The following RBFOX3 variants were observed in gnomAD, a reference collection of about 807,000 sequenced individuals.
RBFOX3 encodes RNA binding fox-1 homolog 3, also known as RNA binding protein fox-1 homolog 3.
A neutral mutation model predicts 48.7 loss-of-function variants in RBFOX3; 17 were observed. The ratio of observed to expected loss-of-function variants is 0.35; its 90% CI spans 0.24 to 0.52. The LOEUF is 0.52. Ranked by LOEUF, RBFOX3 falls within the 20% of genes least tolerant of loss-of-function variation. The pLI, the probability that RBFOX3 is intolerant of heterozygous loss-of-function variation, is 0.94. For missense variants in RBFOX3, 382 were observed against 497.5 expected, an observed-to-expected ratio of 0.77 and a Z score of 2.21; for synonymous variants, 212 against 209.5, an observed-to-expected ratio of 1.01 and a Z score of -0.10.
intron 1 of RBFOX3, among the ~76,000 whole-genome samples, chr17:79,548,641 G>C (rs1555792723): frequency 6.6e-6 from 1 of 152,194 alleles, no homozygotes; most frequent in Non-Finnish European, 1.5e-5. Flanking sequence ...CTGTAAATCA[G>C]GGGACATTCC....
intron 1 of RBFOX3, among the ~76,000 whole-genome samples, chr17:79,574,165 G>A (rs1247622247): frequency 6.6e-6 from 1 of 152,168 alleles, no homozygotes; most frequent in African/African-American, 2.4e-5. Flanking sequence ...TAGGATTAAG[G>A]GTCCCCTTGT....
rs2057183316 is a variant in RBFOX3 at position 79,204,167 on chromosome 17, C to G, written c.-34+31599G>C. Among the ~76,000 whole-genome samples, 1 of 152,168 alleles carries G rather than the reference C, an allele frequency of 6.6e-6. No homozygotes were observed. The highest frequency in any genetic ancestry group is 2.4e-5 in the African/African-American group (1 of 41,436). On this transcript the variant is annotated intron_variant, in intron 4 of 14. Coordinates refer to ENST00000693108, the MANE Select transcript of RBFOX3 (RefSeq NM_001350451.2). The surrounding 1 kb of genome is among the most constrained non-coding windows in gnomAD (Gnocchi z 4.5). ...TCCCCTACTGCCATGACAGCAATAG[C>G]TAGAGTTGGGGTTCAGCACAGGCCA...
chr17:79,218,404 G>A, intron 4 of RBFOX3, among the ~76,000 whole-genome samples: 1 of 152,138 alleles, frequency 6.6e-6, no homozygotes, highest in East Asian at 1.9e-4. Flanking sequence ...GGGAAGATGA[G>A]AAGGAGAGGC....
intron 14 of RBFOX3, 30 bp downstream of exon 14, chr17:79,094,421 C>T: frequency 6.7e-7 from 1 of 1,483,950 alleles, no homozygotes. Context: ...AGGACTGGCA[C>T]CCAGGGCTGG....
intron 3 of RBFOX3, among the ~76,000 whole-genome samples, chr17:79,262,198 C>G (rs1164459460): frequency 1.3e-5 from 2 of 152,272 alleles, no homozygotes; most frequent in South Asian, 2.1e-4. Context: ...GGCGGCCAGG[C>G]CAAGCCCGAG....
intron 3 of RBFOX3, among the ~76,000 whole-genome samples, chr17:79,277,759 T>G (rs1354487475): frequency 2.0e-5 from 3 of 152,216 alleles, no homozygotes; most frequent in Admixed American, 1.3e-4. Flanking sequence ...GGAAGCCAGC[T>G]GCTTGCAAGG....
chr17:79,122,098 A>G (rs2147195975), intron 4 of RBFOX3, among the ~76,000 whole-genome samples: 1 of 152,162 alleles, frequency 6.6e-6, no homozygotes, highest in Non-Finnish European at 1.5e-5. Flanking sequence ...GTCACCCTTG[A>G]CTTGGCTCTT....
rs537031496 is a variant in RBFOX3, at chr17:79,124,523, G to C, written c.-33-8775C>G. ...TACCACAGGGAACTGACCATTCCCAGCCAGCAGCAGCAAGGGCTGGAAGGT... is the reference window on the plus strand; with the variant it reads ...TACCACAGGGAACTGACCATTCCCACCCAGCAGCAGCAAGGGCTGGAAGGT... On this transcript the variant is annotated intron_variant, in intron 4 of 14. Coordinates refer to ENST00000693108, the MANE Select transcript of RBFOX3 (RefSeq NM_001350451.2). 3.9e-5 allele frequency among the ~76,000 whole-genome samples: 6 copies of C among 152,368 alleles called. No individual in the cohort carries two copies. In the East Asian group the frequency reaches 1.2e-3, roughly 29 times the overall value.
chr17:79,555,825 A>G (rs1271380608), intron 1 of RBFOX3, among the ~76,000 whole-genome samples: 5 of 139,654 alleles, frequency 3.6e-5, no homozygotes, highest in African/African-American at 1.3e-4. Context: ...CGATGATGAT[A>G]GTAATGATGG....
intron 3 of RBFOX3, among the ~76,000 whole-genome samples, chr17:79,293,306 T>C (rs1229498784): frequency 2.0e-5 from 3 of 151,794 alleles, no homozygotes; most frequent in Non-Finnish European, 4.4e-5. Flanking sequence ...CGATCTTTGC[T>C]TCCTTCCTTC....
chr17:79,537,403 A>G (rs372816366), intron 1 of RBFOX3, among the ~76,000 whole-genome samples: 6 of 152,252 alleles, frequency 3.9e-5, no homozygotes, highest in African/African-American at 1.4e-4. Flanking sequence ...TCTTAACTTG[A>G]TGAAATCTGT....
intron 2 of RBFOX3, among the ~76,000 whole-genome samples, chr17:79,336,951 C>T (rs1448670233): frequency 6.6e-6 from 1 of 152,116 alleles, no homozygotes; most frequent in African/African-American, 2.4e-5. Flanking sequence ...GAAACCCTGT[C>T]TCTACTAATA....
At chr17:79,274,353 G>A (rs2068315188) in intron 3 of RBFOX3, among the ~76,000 whole-genome samples, 1 of 152,200 alleles carries the variant, frequency 6.6e-6, no homozygotes, top group South Asian at 2.1e-4. Flanking sequence ...CGCCTCATCG[G>A]ATGTCATGAA....
At chr17:79,495,197 G>A (rs939094682) in intron 1 of RBFOX3, among the ~76,000 whole-genome samples, 18 of 150,386 alleles carry the variant, frequency 1.2e-4, no homozygotes, top group Non-Finnish European at 2.1e-4. Flanking sequence ...GAGGTGAAGA[G>A]AGGAACTTTC....
intron 2 of RBFOX3, among the ~76,000 whole-genome samples, chr17:79,474,740 C>T (rs2077485022): frequency 6.6e-6 from 1 of 152,198 alleles, no homozygotes; most frequent in African/African-American, 2.4e-5. Flanking sequence ...CCTCCACCAT[C>T]ACCACCTGAC....
At chr17:79,383,565 C>T (rs915987829) in intron 2 of RBFOX3, among the ~76,000 whole-genome samples, 5 of 152,082 alleles carry the variant, frequency 3.3e-5, no homozygotes, top group African/African-American at 9.6e-5. Context: ...AGTACCCCCC[C>T]GATGGCTGCC....
chr17:79,271,671 G>A (rs941765978), intron 3 of RBFOX3, among the ~76,000 whole-genome samples: 6 of 152,092 alleles, frequency 3.9e-5, no homozygotes, highest in African/African-American at 1.2e-4. Flanking sequence ...CTGACCCTGC[G>A]GCTACTTCCC....
intron 3 of RBFOX3, chr17:79,298,268 G>C (rs1342745716): frequency 6.6e-6 from 1 of 152,188 alleles, no homozygotes; most frequent in Non-Finnish European, 1.5e-5. Flanking sequence ...ATGGGTGGGG[G>C]ACAAAAGTAA....
chr17:79,406,623 G>A (rs1196428277), intron 2 of RBFOX3, among the ~76,000 whole-genome samples: 3 of 152,122 alleles, frequency 2.0e-5, no homozygotes, highest in African/African-American at 4.8e-5. Flanking sequence ...TTCCTTTCAC[G>A]CCTGTAAATG....
Sources: allele counts gnomAD v4.1 joint callset (sites outside exome capture counted in the v4.1 genomes callset), GRCh38; gene constraint gnomAD v4.1.1; non-coding constraint Gnocchi (gnomAD v3.1); transcripts MANE v1.5; gene names NCBI Gene and HGNC (gene_info 2026-07-23, HGNC 2026-07-21).